The following UBE2J1 variants were observed in gnomAD, a reference collection of about 807,000 sequenced individuals.
UBE2J1 encodes ubiquitin conjugating enzyme E2 J1.
UBE2J1 carries 17 observed loss-of-function variants against 42.1 expected under a neutral mutation model. The observed-to-expected ratio is 0.40, with a 90% confidence interval of 0.28 to 0.61. UBE2J1 has a LOEUF of 0.61. Ranked by LOEUF, UBE2J1 falls within the 20% of genes least tolerant of loss-of-function variation. UBE2J1 has a pLI of 0.38. For synonymous variants in UBE2J1, 127 were observed against 137.2 expected (o/e 0.93, Z 0.52); for missense variants, 291 against 389.4 (o/e 0.75, Z 2.13).
intron 1 of UBE2J1, among the ~76,000 whole-genome samples, chr6:89,351,861 T>G (rs535475921): frequency 1.2e-4 from 18 of 152,212 alleles, no homozygotes; most frequent in Non-Finnish European, 2.2e-4. Flanking sequence ...TGGGACTGCT[T>G]GTGTAAATAT....
chr6:89,347,573 CAT>C (rs1367381583), intron 1 of UBE2J1, among the ~76,000 whole-genome samples: 3 of 152,206 alleles, frequency 2.0e-5, no homozygotes, highest in Non-Finnish European at 4.4e-5. Flanking sequence ...AAGGAACAAT[CAT>C]TGGTTCAACA....
chr6:89,338,657 G>T (rs201039608), intron 3 of UBE2J1, 114 bp from the exon 4 acceptor site: 3,777 of 104,368 alleles, frequency 0.036, 137 homozygotes, highest in East Asian at 0.22. Context: ...TAAAAAGTTT[G>T]TTTTTTTTTT....
intron 1 of UBE2J1, among the ~76,000 whole-genome samples, chr6:89,349,443 G>T (rs905677070): frequency 4.6e-5 from 7 of 152,176 alleles, no homozygotes; most frequent in Admixed American, 6.5e-5. Context: ...TTAGATATAT[G>T]TGTTTCTGTG....
chr6:89,331,789 A>G (rs1012677471), intron 7 of UBE2J1, among the ~76,000 whole-genome samples: 2 of 152,254 alleles, frequency 1.3e-5, no homozygotes, highest in African/African-American at 2.4e-5. Flanking sequence ...AGGTGAAAAA[A>G]GATTACCACC....
chr6:89,342,598 C>T (rs183146805), intron 2 of UBE2J1, 143 bp from the exon 3 acceptor site: 25 of 699,900 alleles, frequency 3.6e-5, no homozygotes, highest in South Asian at 2.3e-4. Context: ...TGAGATGTCT[C>T]GAGACTATAA....
At chr6:89,335,663 C>A (rs1423602118) in intron 5 of UBE2J1, among the ~76,000 whole-genome samples, 1 of 151,954 alleles carries the variant, frequency 6.6e-6, no homozygotes, top group East Asian at 1.9e-4. Context: ...GCTATTTTTT[C>A]CAATAAACTA....
intron 3 of UBE2J1, among the ~76,000 whole-genome samples, chr6:89,342,036 T>C (rs1002476786): frequency 2.0e-5 from 3 of 152,196 alleles, no homozygotes; most frequent in Admixed American, 6.5e-5. Context: ...TAGTGAGTAC[T>C]TATGAAGTGC....
At chr6:89,335,539 G>A (rs1768092281) in intron 5 of UBE2J1, 108 bp from the exon 6 acceptor site, 5 of 766,630 alleles carry the variant, frequency 6.5e-6, no homozygotes, top group Non-Finnish European at 9.3e-6. Flanking sequence ...AGGAACACTG[G>A]AAAATTCCAC....
At chr6:89,337,272 G>C (rs1249014913) in intron 5 of UBE2J1, among the ~76,000 whole-genome samples, 1 of 149,664 alleles carries the variant, frequency 6.7e-6, no homozygotes, top group African/African-American at 2.5e-5. Flanking sequence ...CTGGATAAAG[G>C]CATCAAGATA....
In UBE2J1 at chr6:89,329,709, T is replaced by C; in HGVS notation, c.927A>G (p.Ala309=). 1 of 1,614,174 alleles carries C rather than the reference T, an allele frequency of 6.2e-7. No individual in the cohort carries two copies. Among genetic ancestry groups the C allele is most frequent in the Non-Finnish European group, 8.5e-7 (1 of 1,179,996 alleles). Residue 309 remains alanine, a synonymous_variant, in exon 8 of 8, where the codon GCA becomes GCG. Coordinates refer to ENST00000435041, the MANE Select transcript of UBE2J1 (RefSeq NM_016021.3). ...ACTCAAAGTCAAATATGTATTCGTTTGCCAGATATATTCGTCGGAATATAA... is the reference window on the plus strand; with the variant it reads ...ACTCAAAGTCAAATATGTATTCGTTCGCCAGATATATTCGTCGGAATATAA... The part of the protein sequence containing the change: ...AALIFRRIYL[A]NEYIFDFEL
intron 6 of UBE2J1, among the ~76,000 whole-genome samples, chr6:89,333,493 T>A (rs899821932): frequency 6.6e-6 from 1 of 152,182 alleles, no homozygotes; most frequent in African/African-American, 2.4e-5. Context: ...AACTCAAGGT[T>A]TTTTTGGTAA....
chr6:89,352,532 T>G lies in UBE2J1; in HGVS notation c.31+7A>C. Reference sequence around the variant, plus strand: ...CCTCCTCGCCCAGGGGCCCCAGCCCTGCTCACCCGGACTCTTCAGGTTGTA... The same window carrying G: ...CCTCCTCGCCCAGGGGCCCCAGCCCGGCTCACCCGGACTCTTCAGGTTGTA... On this transcript the variant is annotated splice_region_variant and intron_variant, in intron 1 of 7. Coordinates refer to ENST00000435041, the MANE Select transcript of UBE2J1 (RefSeq NM_016021.3). 2 of 1,570,140 alleles carry G rather than the reference T, an allele frequency of 1.3e-6. No individual in the cohort carries two copies. Among genetic ancestry groups the G allele is most frequent in the Non-Finnish European group, 8.6e-7 (1 of 1,164,422 alleles).
At chr6:89,334,767 C>T (rs1397884109) in intron 6 of UBE2J1, among the ~76,000 whole-genome samples, 1 of 152,142 alleles carries the variant, frequency 6.6e-6, no homozygotes, top group African/African-American at 2.4e-5. Context: ...CGCGCCCGGC[C>T]ATCATTTTCT....
Position 89,352,665 on chromosome 6 carries a change from GC to G in UBE2J1, c.-97del, listed in dbSNP as rs1768511359. Reference sequence around the variant, plus strand: ...TCTCAGCGCGGCTCGGGCGGACGGGGCCTGGCCGAGGAGCCTCGGCAAATGC... The same window carrying G: ...TCTCAGCGCGGCTCGGGCGGACGGGGCTGGCCGAGGAGCCTCGGCAAATGC... On this transcript the variant is annotated 5_prime_UTR_variant, in exon 1 of 8. Coordinates refer to ENST00000435041, the MANE Select transcript of UBE2J1 (RefSeq NM_016021.3). The G allele has an allele frequency of 3.7e-6, 5 of 1,366,562 alleles. No homozygotes were observed. The highest frequency in any genetic ancestry group is 1.5e-5 in the African/African-American group (1 of 65,572). The allele number at this position is 1,366,562 out of a possible 1,614,324, so 84.7% of individuals were successfully genotyped here.
At chr6:89,333,380 T>C (rs542555380) in intron 6 of UBE2J1, among the ~76,000 whole-genome samples, 175 bp from the exon 7 acceptor site, 8 of 152,224 alleles carry the variant, frequency 5.3e-5, no homozygotes, top group Non-Finnish European at 8.8e-5. Flanking sequence ...CTAGGTATCA[T>C]AGGAAGAAGC....
At chr6:89,340,774 G>GTT (rs1179780677) in intron 3 of UBE2J1, among the ~76,000 whole-genome samples, 1 of 126,458 alleles carries the variant, frequency 7.9e-6, no homozygotes, top group African/African-American at 2.9e-5. Flanking sequence ...ATTTATTTAT[G>GTT]TTTTTTTTTT....
In UBE2J1 at chr6:89,338,186, A is replaced by C. The variant is rs1243208466; in HGVS notation, c.428+19T>G. ...TGAATACTATTCAGACCTCAAGAAGAATGAAATGCAAAACTTACTTTTTGG... is the reference window on the plus strand; with the variant it reads ...TGAATACTATTCAGACCTCAAGAAGCATGAAATGCAAAACTTACTTTTTGG... On this transcript the variant is annotated intron_variant, in intron 5 of 7. Transcript: ENST00000435041. 1 of 1,579,596 alleles carries C rather than the reference A, an allele frequency of 6.3e-7. No individual in the cohort carries two copies.
In UBE2J1 at chr6:89,342,394, C is replaced by T. The variant is rs757663102; in HGVS notation, c.167G>A (p.Gly56Glu). 5.6e-6 allele frequency: 9 copies of T among 1,613,528 alleles called. No homozygotes were observed. Among genetic ancestry groups the T allele is most frequent in the African/African-American group, 1.3e-5 (1 of 74,978 alleles). ...RGPPDSDFDG[G>E]VYHGRIVLPP... ...CAGTACTATCCGCCCGTGATAAACT[C>T]CTCCATCAAAATCGGAGTCTGGGGG... The change falls in exon 3 of 8, where the codon GGA becomes GAA. Residue 56 changes from glycine (G) to glutamate (E), a missense_variant. This residue lies in a region of UBE2J1 where 115 missense variants were observed against 193.1 expected (regional missense o/e 0.60). Transcript: ENST00000435041.
chr6:89,341,240 G>A (rs574240008), intron 3 of UBE2J1, among the ~76,000 whole-genome samples: 1 of 152,316 alleles, frequency 6.6e-6, no homozygotes, highest in South Asian at 2.1e-4. Context: ...CACTATGTGT[G>A]GAAGGTGGAC....
Sources: gnomAD v4.1 joint callset for allele counts (sites outside exome capture counted in the v4.1 genomes callset) on GRCh38, gnomAD v4.1.1 for gene constraint, gnomAD v4.1.1 regional missense constraint, MANE v1.5 for transcripts, NCBI Gene and HGNC (gene_info 2026-07-23, HGNC 2026-07-21) for gene names.